The following AGK variants were observed in gnomAD, a reference collection of about 807,000 sequenced individuals.
The protein encoded by AGK is acylglycerol kinase, mitochondrial.
A neutral mutation model predicts 66.4 loss-of-function variants in AGK; 52 were observed. The ratio of observed to expected loss-of-function variants is 0.78; its 90% CI spans 0.63 to 0.99. The LOEUF (loss-of-function observed/expected upper bound fraction) is 0.99. AGK is among the 50% of genes least tolerant of loss of function. The probability of loss-of-function intolerance (pLI) is 0.00; values close to 1 mark genes in which losing one functional copy is unlikely to be tolerated. For missense variants in AGK, 451 were observed against 506.6 expected (o/e 0.89, Z 1.05); for synonymous variants, 182 against 181.1 (o/e 1.00, Z -0.04).
chr7:141,621,364 A>C (rs1281496936), intron 8 of AGK, among the ~76,000 whole-genome samples: 1 of 152,236 alleles, frequency 6.6e-6, no homozygotes, highest in Admixed American at 6.5e-5. Flanking sequence ...TAGAGCAAGA[A>C]TAAGTATTGT....
chr7:141,570,716 A>G (rs183914917), intron 2 of AGK, among the ~76,000 whole-genome samples: 8 of 151,936 alleles, frequency 5.3e-5, no homozygotes, highest in Admixed American at 5.2e-4. Flanking sequence ...CCTTACTCCA[A>G]TAGGAAGGGA....
At chr7:141,623,389 A>AAAAGAAAAAAAAAAG (rs1233646426) in intron 9 of AGK, among the ~76,000 whole-genome samples, 8 of 150,618 alleles carry the variant, frequency 5.3e-5, no homozygotes, top group African/African-American at 1.9e-4. Context: ...CAAAAAAAAA[A>AAAAGAAAAAAAAAAG]AAAGAAAAAA....
Position 141,579,152 on chromosome 7 carries a change from G to C in AGK, c.102-13994G>C, listed in dbSNP as rs184794364. ...AGCATTCATACAGGAGCTCAAATGG[G>C]CTGTACCCTGTAGCATTCCAAGGAC... On this transcript the variant is annotated intron_variant, in intron 2 of 15. Transcript: ENST00000649286. 1.4e-3 allele frequency among the ~76,000 whole-genome samples: 207 copies of C among 152,150 alleles called. 5 individuals are homozygous for C. The highest frequency in any genetic ancestry group is 4.8e-3 in the African/African-American group (199 of 41,402).
Position 141,641,340 on chromosome 7 carries a change from T to C in AGK, c.819T>C (p.Pro273=). 4 of 1,613,810 alleles carry C rather than the reference T, an allele frequency of 2.5e-6. No individual in the cohort carries two copies. The highest frequency in any genetic ancestry group is 3.4e-6 in the Non-Finnish European group (4 of 1,179,786). The change falls in exon 12 of 16, where the codon CCT becomes CCC. Residue 273 remains proline (P), a synonymous_variant. Coordinates refer to ENST00000649286, the MANE Select transcript of AGK (RefSeq NM_018238.4). ...CAGAGGAGACCCCTGTACAAAGGCC[T>C]TCTTTGTACAGGAGAATATTACGAA... The part of the protein sequence containing the change: ...NEPEETPVQR[P]SLYRRILRRL...
chr7:141,570,384 CA>C (rs985230924), intron 2 of AGK, among the ~76,000 whole-genome samples: 5 of 151,332 alleles, frequency 3.3e-5, no homozygotes, highest in Non-Finnish European at 7.4e-5. Context: ...GAGACCCTGT[CA>C]AAAAAAATTA....
intron 2 of AGK, among the ~76,000 whole-genome samples, chr7:141,583,006 A>G (rs764121775): frequency 1.7e-4 from 26 of 151,848 alleles, no homozygotes; most frequent in Non-Finnish European, 2.6e-4. Flanking sequence ...GACAAGTTGC[A>G]TTGGGAACAG....
At chr7:141,556,777 A>G (rs1279665852) in intron 2 of AGK, among the ~76,000 whole-genome samples, 6 of 152,116 alleles carry the variant, frequency 3.9e-5, no homozygotes, top group African/African-American at 1.4e-4. Flanking sequence ...ATCCCCTGTT[A>G]CTATCCTCAT....
intron 2 of AGK, among the ~76,000 whole-genome samples, chr7:141,577,139 C>G (rs747877818): frequency 9.2e-5 from 14 of 152,184 alleles, no homozygotes; most frequent in Non-Finnish European, 1.5e-4. Context: ...AAAATTTAAC[C>G]TGAAAGACTG....
At chr7:141,650,521 A>G (rs1797530195) in intron 14 of AGK, 4 of 985,472 alleles carry the variant, frequency 4.1e-6, no homozygotes, top group Non-Finnish European at 4.8e-6. Context: ...TGAAGAGAAC[A>G]TAGTGAAGCT....
At chr7:141,581,110 G>A (rs867690101) in intron 2 of AGK, among the ~76,000 whole-genome samples, 17 of 152,072 alleles carry the variant, frequency 1.1e-4, no homozygotes, top group East Asian at 1.9e-4. Context: ...GAGCACGTGT[G>A]TTTTTATGAA....
chr7:141,562,420 G>A (rs932802876), intron 2 of AGK, among the ~76,000 whole-genome samples: 5 of 152,152 alleles, frequency 3.3e-5, no homozygotes, highest in African/African-American at 1.2e-4. Flanking sequence ...GCTCCCAAGA[G>A]TTTCTATATT....
intron 2 of AGK, among the ~76,000 whole-genome samples, chr7:141,591,254 G>A (rs755412217): frequency 1.1e-4 from 16 of 151,792 alleles, no homozygotes; most frequent in Non-Finnish European, 1.9e-4. Flanking sequence ...CAGCATGCCC[G>A]GCTAATTTTT....
intron 10 of AGK, among the ~76,000 whole-genome samples, chr7:141,635,801 C>T (rs1178371924): frequency 6.6e-6 from 1 of 152,174 alleles, no homozygotes; most frequent in Non-Finnish European, 1.5e-5. Context: ...ATTCCCCTTA[C>T]CAATAAGCAG....
At chr7:141,617,701 G>A (rs547623845) in intron 8 of AGK, among the ~76,000 whole-genome samples, 1 of 152,264 alleles carries the variant, frequency 6.6e-6, no homozygotes, top group East Asian at 1.9e-4. Flanking sequence ...AATTTTAGCT[G>A]TCTTCTGCCA....
At chr7:141,571,327 G>A (rs111763550) in intron 2 of AGK, among the ~76,000 whole-genome samples, 11 of 152,226 alleles carry the variant, frequency 7.2e-5, no homozygotes, top group African/African-American at 2.2e-4. Context: ...GTGTGGTCCC[G>A]CAGCATAAGC....
At chr7:141,578,943 T>C (rs925800877) in intron 2 of AGK, among the ~76,000 whole-genome samples, 3 of 150,172 alleles carry the variant, frequency 2.0e-5, no homozygotes, top group South Asian at 4.2e-4. Context: ...CCAGGAGATA[T>C]CAGCTATGAT....
intron 5 of AGK, among the ~76,000 whole-genome samples, chr7:141,610,985 G>T (rs555018219): frequency 2.0e-5 from 3 of 152,278 alleles, no homozygotes; most frequent in Non-Finnish European, 4.4e-5. Flanking sequence ...CTGACTAGAT[G>T]GTTTCTGAGG....
chr7:141,614,151 T>C lies in AGK; in HGVS notation c.396T>C (p.Val132=), dbSNP rs1308697507. 3 of 1,534,716 alleles carry C rather than the reference T, an allele frequency of 2.0e-6. No homozygotes were observed. The highest frequency in any genetic ancestry group is 2.7e-6 in the Non-Finnish European group (3 of 1,126,150). Reference sequence around the variant, plus strand: ...TTTTATTATTACATTTGTAGGTTGTTACTGGTGTTCTTCGACGAACAGATG... The same window carrying C: ...TTTTATTATTACATTTGTAGGTTGTCACTGGTGTTCTTCGACGAACAGATG... ...AGGDGTLQEV[V]TGVLRRTDEA... The change falls in exon 7 of 16, where the codon GTT becomes GTC. Residue 132 remains valine, a synonymous_variant. Transcript: ENST00000649286.
At chr7:141,590,044 CAGG>C (rs1199114881) in intron 2 of AGK, among the ~76,000 whole-genome samples, 2 of 152,128 alleles carry the variant, frequency 1.3e-5, no homozygotes, top group Non-Finnish European at 2.9e-5. Flanking sequence ...TTAATAAACT[CAGG>C]AGAGCTGAAA....
Sources: allele counts gnomAD v4.1 joint callset (sites outside exome capture counted in the v4.1 genomes callset), GRCh38; gene constraint gnomAD v4.1.1; transcripts MANE v1.5; gene names NCBI Gene and HGNC (gene_info 2026-07-23, HGNC 2026-07-21).